AURKB: variants seen among roughly 807,000 people sequenced by gnomAD.
The protein encoded by AURKB is aurora kinase B.
AURKB carries 28 observed loss-of-function variants against 36.5 expected under a neutral mutation model. That is an observed-to-expected ratio of 0.77 (90% CI 0.57 to 1.05). The LOEUF is 1.05. Among genes scored for constraint, AURKB ranks in the 50% least tolerant of loss-of-function variants. The pLI, the probability that AURKB is intolerant of heterozygous loss-of-function variation, is 0.00. For missense variants in AURKB, 383 were observed against 447.4 expected, an observed-to-expected ratio of 0.86 and a Z score of 1.30; for synonymous variants, 175 against 172.9, an observed-to-expected ratio of 1.01 and a Z score of -0.09.
Position 8,204,932 on chromosome 17 carries a change from G to C in AURKB, c.974C>G (p.Pro325Arg). The C allele has an allele frequency of 6.2e-7, 1 of 1,607,518 alleles. No individual in the cohort carries two copies. The highest frequency in any genetic ancestry group is 1.3e-5 in the African/African-American group (1 of 74,182). The change falls in exon 9 of 9, where the codon CCT becomes CGT. Residue 325 changes from proline (P) to arginine (R), a missense_variant. By Grantham distance (103) the Pro-to-Arg change is moderately radical. Coordinates refer to ENST00000585124, the MANE Select transcript of AURKB (RefSeq NM_004217.4). ...CCTCCGAGAGTTGGCCCGGACCCAA[G>C]GGTGGGCTGAGACCTGGGCCAGGGG... ...RLPLAQVSAH[P>R]WVRANSRRVL... is the part of the protein sequence containing the mutation.
chr17:8,208,671 G>A (rs1479206746), intron 2 of AURKB, among the ~76,000 whole-genome samples: 1 of 151,880 alleles, frequency 6.6e-6, no homozygotes, highest in Non-Finnish European at 1.5e-5. Flanking sequence ...AAGGGGCAAA[G>A]GACTCACACC....
At chr17:8,207,061 A>C in intron 5 of AURKB, 115 bp downstream of exon 5, 1 of 1,441,544 alleles carries the variant, frequency 6.9e-7, no homozygotes, top group Non-Finnish European at 9.4e-7. Context: ...CTAAGAGCTA[A>C]ATGGGGCTCA....
At position 8,206,427 on chromosome 17, in the gene AURKB, G is replaced by A. The variant is rs1255475621; in HGVS notation, c.686+64C>T. The A allele has an allele frequency of 1.9e-5, 31 of 1,597,192 alleles. No individual in the cohort carries two copies. Among genetic ancestry groups the A allele is most frequent in the Non-Finnish European group, 2.5e-5 (29 of 1,170,728 alleles). ...ATTACAGGTGTGAGCCACGGTGCAC[G>A]GCCCCTGGAGAGGTTTTAATGGCCC... is the stretch of plus-strand genomic sequence containing the variant. On this transcript the variant is annotated intron_variant, in intron 7 of 8. Coordinates refer to ENST00000585124, the MANE Select transcript of AURKB (RefSeq NM_004217.4). The surrounding 1 kb of genome is among the most constrained non-coding windows in gnomAD (Gnocchi z 4.2).
intron 7 of AURKB, 120 bp from the exon 8 acceptor site, chr17:8,205,510 G>C: frequency 3.1e-6 from 4 of 1,293,180 alleles, no homozygotes; most frequent in Non-Finnish European, 4.3e-6. Context: ...GTCCAGCCAG[G>C]CAAGGCCACT....
chr17:8,206,685 C>T lies in AURKB; in HGVS notation c.538-46G>A, dbSNP rs375717237. ...CAATCAGACAAGGATGGACCTCCAG[C>T]TACAAGCAGCACACCCTCAGCCTCG... On this transcript the variant is annotated intron_variant, in intron 6 of 8. Transcript: ENST00000585124. The surrounding 1 kb of genome is among the most constrained non-coding windows in gnomAD (Gnocchi z 4.2). 1.2e-6 allele frequency: 2 copies of T among 1,613,662 alleles called. No individual in the cohort carries two copies. The highest frequency in any genetic ancestry group is 1.7e-6 in the Non-Finnish European group (2 of 1,179,738).
At position 8,206,982 on chromosome 17, in the gene AURKB, G is replaced by A. The variant is rs776949719; in HGVS notation, c.399-94C>T. On this transcript the variant is annotated intron_variant, in intron 5 of 8. Coordinates refer to ENST00000585124, the MANE Select transcript of AURKB (RefSeq NM_004217.4). The surrounding 1 kb of genome is among the most constrained non-coding windows in gnomAD (Gnocchi z 4.2). ...ACTGGGGTCAGACGTGGCCCAGGCC[G>A]GGGACACCAGGGCTGGGAGTGGTAA... 7.0e-5 allele frequency: 110 copies of A among 1,567,532 alleles called. No individual in the cohort carries two copies. The highest frequency in any genetic ancestry group is 5.6e-4 in the Middle Eastern group (3 of 5,360).
At position 8,207,766 on chromosome 17, in the gene AURKB, G is replaced by A. The variant is rs12952825; in HGVS notation, c.123C>T (p.Leu41=). 1 of 1,614,182 alleles carries A rather than the reference G, an allele frequency of 6.2e-7. No individual in the cohort carries two copies. The highest frequency in any genetic ancestry group is 1.7e-5 in the Admixed American group (1 of 60,014). Residue 41 remains leucine, a synonymous_variant, in exon 3 of 9, where the codon CTC becomes CTT. Transcript: ENST00000585124. The part of the protein sequence containing the change: ...KEPVTPSALV[L]MSRSNVQPTA... ...TGGGCTGGACATTGGAGCGGCTCAT[G>A]AGGACAAGTGCAGATGGGGTGACAG... is the stretch of plus-strand genomic sequence containing the variant.
rs1597347894 is a variant in AURKB, at chr17:8,206,710, G to C, written c.537+40C>G. The C allele has an allele frequency of 1.2e-6, 2 of 1,612,594 alleles. No homozygotes were observed. Among genetic ancestry groups the C allele is most frequent in the Non-Finnish European group, 1.7e-6 (2 of 1,179,076 alleles). ...CTACAAGCAGCACACCCTCAGCCTCGAGCCCCCTACTGGCGCCCCAGGTGC... is the reference window on the plus strand; with the variant it reads ...CTACAAGCAGCACACCCTCAGCCTCCAGCCCCCTACTGGCGCCCCAGGTGC... On this transcript the variant is annotated intron_variant, in intron 6 of 8. Transcript: ENST00000585124. The surrounding 1 kb of genome is among the most constrained non-coding windows in gnomAD (Gnocchi z 4.2).
Position 8,204,992 on chromosome 17 carries a change from G to C in AURKB, c.914C>G (p.Ser305Cys). The change falls in exon 9 of 9, where the codon TCC becomes TGC. Residue 305 changes from serine to cysteine, a missense_variant. Transcript: ENST00000585124. ...CGAGGGGTTATGCCTGAGCAGTTTG[G>C]AGATGAGGTCCTGGGCTCCCATGGG... ...SVPMGAQDLI[S>C]KLLRHNPSER... The C allele has an allele frequency of 6.2e-7, 1 of 1,606,112 alleles. No homozygotes were observed. The highest frequency in any genetic ancestry group is 8.5e-7 in the Non-Finnish European group (1 of 1,177,612).
chr17:8,210,433 C>A, intron 1 of AURKB, 97 bp downstream of exon 1: 1 of 584,592 alleles, frequency 1.7e-6, no homozygotes, highest in South Asian at 2.1e-5. Flanking sequence ...TCCTTCCAGC[C>A]CTGCGGCGTG....
rs1191363372 is a variant in AURKB at position 8,206,960 on chromosome 17, G to T, written c.399-72C>A. 6.2e-7 allele frequency: 1 copy of T among 1,605,242 alleles called. No individual in the cohort carries two copies. Among genetic ancestry groups the T allele is most frequent in the Non-Finnish European group, 8.5e-7 (1 of 1,176,890 alleles). ...CTGGAAAAGATGATAGGAGCAAACTGGGGTCAGACGTGGCCCAGGCCGGGG... is the reference window on the plus strand; with the variant it reads ...CTGGAAAAGATGATAGGAGCAAACTTGGGTCAGACGTGGCCCAGGCCGGGG... On this transcript the variant is annotated intron_variant, in intron 5 of 8. Transcript: ENST00000585124. The surrounding 1 kb of genome is among the most constrained non-coding windows in gnomAD (Gnocchi z 4.2).
intron 1 of AURKB, 113 bp from the exon 2 acceptor site, chr17:8,210,362 A>G (rs1985942538): frequency 1.3e-6 from 1 of 768,168 alleles, no homozygotes; most frequent in South Asian, 1.6e-5. Context: ...GGAGCAGGTC[A>G]GCACACTAGC....
In AURKB at chr17:8,207,368, C is replaced by A; in HGVS notation, c.207-1G>T. The A allele has an allele frequency of 6.2e-7, 1 of 1,611,606 alleles. No individual in the cohort carries two copies. The highest frequency in any genetic ancestry group is 8.5e-7 in the Non-Finnish European group (1 of 1,177,910). Reference sequence around the variant, plus strand: ...AAAGTCATCAATTGTGAAGTGCCGCCTGCTTAGAAAGTGGAGGAAGGCAAC... The same window carrying A: ...AAAGTCATCAATTGTGAAGTGCCGCATGCTTAGAAAGTGGAGGAAGGCAAC... On this transcript the variant is annotated splice_acceptor_variant, in intron 4 of 8. Coordinates refer to ENST00000585124, the MANE Select transcript of AURKB (RefSeq NM_004217.4). LOFTEE classifies it high-confidence loss of function.
At chr17:8,210,043 C>G in intron 2 of AURKB, 134 bp downstream of exon 2, 1 of 1,243,826 alleles carries the variant, frequency 8.0e-7, no homozygotes, top group Non-Finnish European at 1.2e-6. Flanking sequence ...TGTCGTCAAA[C>G]TTGGGACCCG....
chr17:8,208,025 G>A (rs1327874466), intron 2 of AURKB, 185 bp from the exon 3 acceptor site: 4 of 557,414 alleles, frequency 7.2e-6, no homozygotes, highest in Non-Finnish European at 1.3e-5. Flanking sequence ...ATTAAAATGG[G>A]TTATTAATAA....
intron 2 of AURKB, among the ~76,000 whole-genome samples, chr17:8,208,515 T>C (rs1455351105): frequency 1.3e-5 from 2 of 151,302 alleles, no homozygotes; most frequent in Non-Finnish European, 2.9e-5. Flanking sequence ...CGCTTGAACC[T>C]GGGCGGCAGA....
At chr17:8,210,289 AAG>A (rs890707117) in intron 1 of AURKB, 40 bp from the exon 2 acceptor site, 674 of 1,425,056 alleles carry the variant, frequency 4.7e-4, no homozygotes, top group African/African-American at 9.6e-4. Context: ...AGCAGAGAAA[AAG>A]AGAGAGAGAG....
In AURKB at chr17:8,206,097, C is replaced by G. The variant is rs538538423; in HGVS notation, c.686+394G>C. ...TTGGCCCCTACAGGGATCAAACCTG[C>G]GACCTTGGGGTTATTAGCACCACAC... On this transcript the variant is annotated intron_variant, in intron 7 of 8. Transcript: ENST00000585124. This position sits in a 1 kb window ranked among gnomAD's most constrained non-coding sequence, Gnocchi z 4.2. 6.7e-6 allele frequency among the ~76,000 whole-genome samples: 1 copy of G among 150,330 alleles called. No homozygotes were observed. Among genetic ancestry groups the G allele is most frequent in the African/African-American group, 2.4e-5 (1 of 40,896 alleles).
chr17:8,208,615 A>AATAAATAAATAC (rs1717182656), intron 2 of AURKB, among the ~76,000 whole-genome samples: 4 of 149,148 alleles, frequency 2.7e-5, no homozygotes, highest in Admixed American at 2.1e-4. Flanking sequence ...TAAATAAATA[A>AATAAATAAATAC]ATAAATAAAT....
Sources: allele counts gnomAD v4.1 joint callset (sites outside exome capture counted in the v4.1 genomes callset), GRCh38; gene constraint gnomAD v4.1.1; non-coding constraint Gnocchi (gnomAD v3.1); transcripts MANE v1.5; gene names NCBI Gene and HGNC (gene_info 2026-07-23, HGNC 2026-07-21).